The following GNPTAB variants were observed in gnomAD, a reference collection of about 807,000 sequenced individuals.
The protein encoded by GNPTAB is N-acetylglucosamine-1-phosphotransferase subunits alpha/beta.
A neutral mutation model predicts 136.6 loss-of-function variants in GNPTAB; 92 were observed. That is an observed-to-expected ratio of 0.67 (90% CI 0.57 to 0.80). GNPTAB has a LOEUF of 0.80. GNPTAB is among the 30% of genes least tolerant of loss of function. The pLI, the probability that GNPTAB is intolerant of heterozygous loss-of-function variation, is 0.00. For synonymous variants in GNPTAB, 512 were observed against 535.1 expected (o/e 0.96, Z 0.60); for missense variants, 1,343 against 1,501.8 (o/e 0.89, Z 1.75).
chr12:101,801,062 C>T (rs545033144), intron 1 of GNPTAB, among the ~76,000 whole-genome samples: 34 of 149,968 alleles, frequency 2.3e-4, no homozygotes, highest in African/African-American at 8.3e-4. Flanking sequence ...AGTGAGACCT[C>T]ATCTCTACAA....
chr12:101,813,478 A>T (rs1222605253), intron 1 of GNPTAB, among the ~76,000 whole-genome samples: 1 of 152,248 alleles, frequency 6.6e-6, no homozygotes, highest in Admixed American at 6.5e-5. Context: ...TATTATGTGC[A>T]ATGAACATGA....
intron 10 of GNPTAB, among the ~76,000 whole-genome samples, chr12:101,768,745 C>A (rs1197896850): frequency 8.1e-6 from 1 of 124,106 alleles, no homozygotes; most frequent in African/African-American, 2.6e-5. Context: ...AAAATACACT[C>A]CTCTTTAAAA....
intron 1 of GNPTAB, among the ~76,000 whole-genome samples, chr12:101,822,406 C>T (rs1198154378): frequency 6.6e-6 from 1 of 151,994 alleles, no homozygotes; most frequent in Non-Finnish European, 1.5e-5. Context: ...AGCGAGACTC[C>T]GTCTCAAAAA....
intron 4 of GNPTAB, 84 bp downstream of exon 4, chr12:101,788,463 GT>G (rs772934808): frequency 5.8e-6 from 5 of 857,424 alleles, no homozygotes; most frequent in Non-Finnish European, 8.1e-6. Context: ...ACAAAATCCT[GT>G]GTACCCAATA....
chr12:101,745,946 T>C lies in GNPTAB; in HGVS notation c.*1218A>G, dbSNP rs1162044962. 4 of 152,312 alleles carry C rather than the reference T, an allele frequency of 2.6e-5. No homozygotes were observed. Among genetic ancestry groups the C allele is most frequent in the African/African-American group, 9.6e-5 (4 of 41,454 alleles). 9.4% of individuals were successfully genotyped at this position (152,312 alleles called of 1,614,324 possible). A position where few individuals can be genotyped will look rare whatever the true frequency, so the allele number is the denominator to read the frequency against. On this transcript the variant is annotated 3_prime_UTR_variant, in exon 21 of 21. Coordinates refer to ENST00000299314, the MANE Select transcript of GNPTAB (RefSeq NM_024312.5). ...GCTACTCAGAAGGCTGAGACAGAAC[T>C]GCTTGAACCCGGGAGGCGGAGGTTG...
intron 5 of GNPTAB, 41 bp downstream of exon 5, chr12:101,785,971 A>G (rs745701869): frequency 7.2e-7 from 1 of 1,385,648 alleles, no homozygotes; most frequent in Non-Finnish European, 1.0e-6. Context: ...TCAAACATCC[A>G]ATGATAACAT....
intron 5 of GNPTAB, among the ~76,000 whole-genome samples, chr12:101,782,042 T>C (rs1426144095): frequency 2.0e-5 from 3 of 152,188 alleles, no homozygotes; most frequent in Non-Finnish European, 2.9e-5. Flanking sequence ...TAGTCATAGG[T>C]CCGGTCTTGC....
intron 5 of GNPTAB, among the ~76,000 whole-genome samples, chr12:101,783,712 A>T (rs1000029167): frequency 6.6e-6 from 1 of 151,164 alleles, no homozygotes; most frequent in Non-Finnish European, 1.5e-5. Context: ...CTTTCATACT[A>T]AAAATAACTT....
intron 20 of GNPTAB, among the ~76,000 whole-genome samples, chr12:101,748,835 G>C (rs1952773084): frequency 6.6e-6 from 1 of 152,120 alleles, no homozygotes; most frequent in African/African-American, 2.4e-5. Context: ...AGAGCTACTT[G>C]GTTTTAGCCT....
intron 4 of GNPTAB, among the ~76,000 whole-genome samples, chr12:101,786,832 T>C (rs1868674163): frequency 6.6e-6 from 1 of 152,168 alleles, no homozygotes; most frequent in Non-Finnish European, 1.5e-5. Context: ...TTAAACAGTA[T>C]AAAAAATTGT....
At chr12:101,807,599 A>G (rs745799484) in intron 1 of GNPTAB, among the ~76,000 whole-genome samples, 2 of 152,218 alleles carry the variant, frequency 1.3e-5, no homozygotes, top group Admixed American at 6.5e-5. Flanking sequence ...CAAAATCTGA[A>G]ACAAATAAGC....
At chr12:101,787,124 A>G (rs1484631581) in intron 4 of GNPTAB, among the ~76,000 whole-genome samples, 1 of 152,232 alleles carries the variant, frequency 6.6e-6, no homozygotes. Context: ...ACTTTTAGGA[A>G]TCTAGTCCAG....
intron 11 of GNPTAB, among the ~76,000 whole-genome samples, chr12:101,767,178 T>C (rs771433191): frequency 6.6e-6 from 1 of 152,218 alleles, no homozygotes; most frequent in Non-Finnish European, 1.5e-5. Context: ...GATGATAACA[T>C]TTGTGTACAT....
intron 1 of GNPTAB, among the ~76,000 whole-genome samples, chr12:101,803,357 AC>A (rs1175316806): frequency 1.3e-5 from 2 of 152,160 alleles, no homozygotes; most frequent in African/African-American, 2.4e-5. Flanking sequence ...TATGATATTA[AC>A]CAGGAAGTAA....
Position 101,770,991 on chromosome 12 carries a change from C to T in GNPTAB, c.933+5G>A, listed in dbSNP as rs781276852. 49 of 1,613,734 alleles carry T rather than the reference C, an allele frequency of 3.0e-5. No homozygotes were observed. In the South Asian group the frequency reaches 4.9e-4, roughly 16 times the overall value. ...GGGCTGTAAAAGCTTCTGTGCATCC[C>T]TTACCTGGCTGATGGCGCTCAGATC... On this transcript the variant is annotated splice_donor_5th_base_variant and intron_variant, in intron 8 of 20. Transcript: ENST00000299314.
At chr12:101,770,238 G>T in intron 9 of GNPTAB, 47 bp from the exon 10 acceptor site, 1 of 1,601,440 alleles carries the variant, frequency 6.2e-7, no homozygotes, top group Non-Finnish European at 8.6e-7. Flanking sequence ...AGAGCTGTTT[G>T]GGTTTGGTTT....
intron 1 of GNPTAB, among the ~76,000 whole-genome samples, chr12:101,808,221 C>G (rs1870034197): frequency 6.6e-6 from 1 of 152,136 alleles, no homozygotes; most frequent in African/African-American, 2.4e-5. Flanking sequence ...GCAAACTCAA[C>G]TAAAATTTCA....
chr12:101,761,790 C>G lies in GNPTAB; in HGVS notation c.2716-27G>C, dbSNP rs543632674. 35 of 1,515,318 alleles carry G rather than the reference C, an allele frequency of 2.3e-5. No individual in the cohort carries two copies. In the African/African-American group the frequency reaches 4.3e-4, roughly 18 times the overall value. 93.9% of individuals were successfully genotyped at this position (1,515,318 alleles called of 1,614,324 possible). The stretch of plus-strand genomic sequence containing the variant: ...TGAAAAGAGAATTCTACATGTAACT[C>G]AGCATTATGTTTAGTGCACAAGTGT... On this transcript the variant is annotated intron_variant, in intron 13 of 20. Transcript: ENST00000299314.
chr12:101,829,613 G>A (rs1404459360), intron 1 of GNPTAB, among the ~76,000 whole-genome samples: 4 of 151,940 alleles, frequency 2.6e-5, no homozygotes, highest in Non-Finnish European at 1.5e-5. Context: ...AAGCAATAAG[G>A]CACCTAACTA....
Sources: allele counts gnomAD v4.1 joint callset (sites outside exome capture counted in the v4.1 genomes callset), GRCh38; gene constraint gnomAD v4.1.1; transcripts MANE v1.5; gene names NCBI Gene and HGNC (gene_info 2026-07-23, HGNC 2026-07-21).